ST8SIA5: variants seen among roughly 807,000 people sequenced by gnomAD.
ST8SIA5 encodes the protein ST8 alpha-N-acetyl-neuraminide alpha-2,8-sialyltransferase 5.
ST8SIA5 carries 24 observed loss-of-function variants against 40.2 expected under a neutral mutation model. The ratio of observed to expected loss-of-function variants is 0.60; its 90% CI spans 0.43 to 0.84. ST8SIA5 has a LOEUF of 0.84. ST8SIA5 is among the 40% of genes least tolerant of loss of function. The pLI is 0.00. For synonymous variants in ST8SIA5, 198 were observed against 201.8 expected, an observed-to-expected ratio of 0.98 and a Z score of 0.16; for missense variants, 465 against 498.5, an observed-to-expected ratio of 0.93 and a Z score of 0.64.
At chr18:46,729,152 C>T (rs911068974) in intron 1 of ST8SIA5, among the ~76,000 whole-genome samples, 1 of 152,166 alleles carries the variant, frequency 6.6e-6, no homozygotes, top group African/African-American at 2.4e-5. Context: ...TGGCCCAGCC[C>T]ACCAGGCCGT....
intron 1 of ST8SIA5, among the ~76,000 whole-genome samples, chr18:46,711,618 G>A (rs1242095180): frequency 6.6e-6 from 1 of 152,162 alleles, no homozygotes; most frequent in Non-Finnish European, 1.5e-5. Context: ...CTGCCGTCTC[G>A]AGATAGCACA....
intron 1 of ST8SIA5, among the ~76,000 whole-genome samples, chr18:46,736,007 T>C (rs909068123): frequency 1.3e-5 from 2 of 152,224 alleles, no homozygotes; most frequent in Non-Finnish European, 2.9e-5. Context: ...CAGCTGCGTA[T>C]GAATCTACAA....
intron 3 of ST8SIA5, among the ~76,000 whole-genome samples, chr18:46,690,045 G>C (rs2039489561): frequency 1.3e-5 from 2 of 152,124 alleles, no homozygotes; most frequent in African/African-American, 4.8e-5. Context: ...GGCAAGGCAG[G>C]GCCATGGATT....
intron 1 of ST8SIA5, among the ~76,000 whole-genome samples, chr18:46,724,989 GAGGAAGGAAGGAAGGAAGGAAGGAAGGA>G (rs60444300): frequency 1.7e-4 from 17 of 99,658 alleles, no homozygotes; most frequent in African/African-American, 3.7e-4. Context: ...GAAAGAGAGA[GAGGAAGGAAGGAAGGAAGGAAGGAAGGA>G]AGGAAGGAAG....
chr18:46,742,446 A>G (rs2144561439), intron 1 of ST8SIA5, among the ~76,000 whole-genome samples: 1 of 152,022 alleles, frequency 6.6e-6, no homozygotes. Flanking sequence ...AAATAGCAGA[A>G]TTGGACTTCA....
At chr18:46,684,665 G>T (rs1002077289) in intron 5 of ST8SIA5, among the ~76,000 whole-genome samples, 1 of 152,212 alleles carries the variant, frequency 6.6e-6, no homozygotes, top group East Asian at 1.9e-4. Flanking sequence ...TTTCATTCAC[G>T]CCTTCATTCC....
intron 1 of ST8SIA5, among the ~76,000 whole-genome samples, chr18:46,705,060 A>G (rs1162493433): frequency 6.6e-6 from 1 of 152,254 alleles, no homozygotes; most frequent in Non-Finnish European, 1.5e-5. Flanking sequence ...GGAGTCCGAC[A>G]GTGAGCCTTC....
intron 1 of ST8SIA5, among the ~76,000 whole-genome samples, chr18:46,743,833 C>T (rs2040111190): frequency 6.6e-6 from 1 of 152,212 alleles, no homozygotes; most frequent in Non-Finnish European, 1.5e-5. Flanking sequence ...GGGTTACCCA[C>T]AAAGGGAAGC....
chr18:46,682,460 G>A lies in ST8SIA5; in HGVS notation c.570-396C>T, dbSNP rs1215976575. ...AGCAGAGGTCTGAAGGAGGAATTGA[G>A]CAAATGTCCTGTGGCAGGAGAAGAG... On this transcript the variant is annotated intron_variant, in intron 5 of 6. Transcript: ENST00000315087. Among the ~76,000 whole-genome samples the A allele has an allele frequency of 4.6e-5, 7 of 152,364 alleles. No homozygotes were observed. In the East Asian group the frequency reaches 1.3e-3, roughly 29 times the overall value.
intron 1 of ST8SIA5, among the ~76,000 whole-genome samples, chr18:46,743,672 C>T (rs899876125): frequency 8.5e-5 from 13 of 152,146 alleles, no homozygotes; most frequent in African/African-American, 3.1e-4. Flanking sequence ...CTTCCCCAAC[C>T]TAGCAAGGCA....
chr18:46,741,121 G>A (rs1471753061), intron 1 of ST8SIA5, among the ~76,000 whole-genome samples: 1 of 151,942 alleles, frequency 6.6e-6, no homozygotes, highest in African/African-American at 2.4e-5. Flanking sequence ...GCCAAAATCT[G>A]ATCATTTTAC....
Position 46,680,484 on chromosome 18 carries a change from C to G in ST8SIA5, c.689G>C (p.Arg230Pro). ...CACCTGCAGCACGCGATAGAACGGC[C>G]GCCGCCACTTCTCCAGCTTGTGGAA... ...ERFHKLEKWR[R>P]PFYRVLQVYE... is the part of the protein sequence containing the mutation. Residue 230 changes from arginine to proline, a missense_variant, in exon 7 of 7, where the codon CGG becomes CCG. Transcript: ENST00000315087. 6.3e-7 allele frequency: 1 copy of G among 1,592,724 alleles called. No homozygotes were observed. Among genetic ancestry groups the G allele is most frequent in the Non-Finnish European group, 8.6e-7 (1 of 1,167,278 alleles).
intron 3 of ST8SIA5, among the ~76,000 whole-genome samples, chr18:46,689,508 C>T (rs897763515): frequency 6.6e-6 from 1 of 151,966 alleles, no homozygotes; most frequent in African/African-American, 2.4e-5. Flanking sequence ...ACAGGCTTGG[C>T]TCTTCTACCT....
chr18:46,692,378 A>G, intron 2 of ST8SIA5, 123 bp from the exon 3 acceptor site: 1 of 768,298 alleles, frequency 1.3e-6, no homozygotes, highest in Non-Finnish European at 2.2e-6. Flanking sequence ...GGCCCTTGGC[A>G]TTGACCATGT....
At chr18:46,727,303 ATTGCTGACAACC>A (rs2039940967) in intron 1 of ST8SIA5, among the ~76,000 whole-genome samples, 1 of 152,140 alleles carries the variant, frequency 6.6e-6, no homozygotes, top group African/African-American at 2.4e-5. Flanking sequence ...TTGTGTGGTT[ATTGCTGACAACC>A]TGGCTCAGCC....
At chr18:46,721,522 T>G in intron 1 of ST8SIA5, 1 of 1,441,388 alleles carries the variant, frequency 6.9e-7, no homozygotes, top group Non-Finnish European at 9.4e-7. Context: ...GGGTTAAGCC[T>G]GCCTACCAGA....
intron 1 of ST8SIA5, among the ~76,000 whole-genome samples, chr18:46,725,996 T>TCCTGG (rs1168631701): frequency 3.0e-4 from 20 of 66,076 alleles, no homozygotes; most frequent in Non-Finnish European, 4.3e-4. Context: ...TATATATATA[T>TCCTGG]ATATATATAT....
intron 1 of ST8SIA5, among the ~76,000 whole-genome samples, chr18:46,708,730 C>T (rs1263880845): frequency 2.0e-5 from 3 of 152,176 alleles, no homozygotes; most frequent in Non-Finnish European, 2.9e-5. Flanking sequence ...GAAATCCCAA[C>T]GACGGCTCTT....
Position 46,686,297 on chromosome 18 carries a change from C to A in ST8SIA5, c.457-11G>T, listed in dbSNP as rs2039446962. 6.2e-7 allele frequency: 1 copy of A among 1,612,798 alleles called. No homozygotes were observed. The highest frequency in any genetic ancestry group is 1.7e-5 in the Admixed American group (1 of 59,980). ...GTAGTAGGGCATGTCCTGGGGGAGG[C>A]ACAGGCACAGCTGTCAGAGCCAAGC... On this transcript the variant is annotated splice_polypyrimidine_tract_variant and intron_variant, in intron 4 of 6. Transcript: ENST00000315087.
Sources: gnomAD v4.1 joint callset for allele counts (sites outside exome capture counted in the v4.1 genomes callset) on GRCh38, gnomAD v4.1.1 for gene constraint, MANE v1.5 for transcripts, NCBI Gene and HGNC (gene_info 2026-07-23, HGNC 2026-07-21) for gene names.